GALNT12: variants seen among roughly 807,000 people sequenced by gnomAD.
GALNT12 encodes UDP-GalNAc:polypeptide N-acetylgalactosaminyltransferase 12.
GALNT12 carries 45 observed loss-of-function variants against 55.5 expected under a neutral mutation model. The ratio of observed to expected loss-of-function variants is 0.81; its 90% confidence interval spans 0.64 to 1.04. The LOEUF (loss-of-function observed/expected upper bound fraction) is 1.04, where lower values mean the gene tolerates loss of function less well. Among genes scored for constraint, GALNT12 ranks in the 50% least tolerant of loss-of-function variants. The pLI, the probability that GALNT12 is intolerant of heterozygous loss-of-function variation, is 0.00. For synonymous variants in GALNT12, 304 were observed against 312.2 expected, an observed-to-expected ratio of 0.97 and a Z score of 0.28; for missense variants, 709 against 754.8, an observed-to-expected ratio of 0.94 and a Z score of 0.71.
chr9:98,838,318 G>A (rs1234434368), intron 6 of GALNT12, among the ~76,000 whole-genome samples: 2 of 152,186 alleles, frequency 1.3e-5, no homozygotes, highest in East Asian at 1.9e-4. Flanking sequence ...CCTAACAGAT[G>A]TCTATCTTCC....
chr9:98,828,159 G>A (rs1211932532), intron 3 of GALNT12, among the ~76,000 whole-genome samples: 4 of 152,140 alleles, frequency 2.6e-5, no homozygotes, highest in Non-Finnish European at 5.9e-5. Context: ...CTGCTTCCCC[G>A]CAGATGCCAA....
rs1055615394 is a variant in GALNT12 at position 98,848,823 on chromosome 9, C to T, written c.1606-129C>T. 161 of 1,085,798 alleles carry T rather than the reference C, an allele frequency of 1.5e-4. No homozygotes were observed. The African/African-American group carries it at 2.1e-3, about 14-fold the overall frequency. The allele number at this position is 1,085,798 out of a possible 1,614,324, so 67.3% of individuals were successfully genotyped here. On this transcript the variant is annotated intron_variant, in intron 9 of 9. Transcript: ENST00000375011. ...GACAGTCCTGAGTTGCTGCGTTACA[C>T]GGAAGACACTTACCCCTCAATAAAT... is the stretch of plus-strand genomic sequence containing the variant.
chr9:98,808,330 T>A (rs910169894), intron 1 of GALNT12, among the ~76,000 whole-genome samples: 17 of 152,044 alleles, frequency 1.1e-4, no homozygotes, highest in Admixed American at 9.8e-4. Context: ...GAAGTTATCA[T>A]CTCCCTGAAA....
In GALNT12 at chr9:98,826,880, C is replaced by G; in HGVS notation, c.670C>G (p.Leu224Val). 6.3e-7 allele frequency: 1 copy of G among 1,592,002 alleles called. No homozygotes were observed. The highest frequency in any genetic ancestry group is 8.6e-7 in the Non-Finnish European group (1 of 1,169,400). Residue 224 changes from leucine to valine, a missense_variant, in exon 3 of 10, where the codon CTG becomes GTG. Physicochemically the swap from Leu to Val is conservative, Grantham distance 32 (BLOSUM62 1). Coordinates refer to ENST00000375011, the MANE Select transcript of GALNT12 (RefSeq NM_024642.5). ...LGASAARGDVLTFLDCHCECH... is the reference protein window; with the variant it reads ...LGASAARGDVVTFLDCHCECH... Reference sequence around the variant, plus strand: ...GGCGTCTGCGGCGAGGGGCGATGTTCTGACCTTCCTGGACTGTCACTGTGA... The same window carrying G: ...GGCGTCTGCGGCGAGGGGCGATGTTGTGACCTTCCTGGACTGTCACTGTGA...
At chr9:98,809,984 A>G (rs997348912) in intron 1 of GALNT12, among the ~76,000 whole-genome samples, 1 of 152,244 alleles carries the variant, frequency 6.6e-6, no homozygotes, top group African/African-American at 2.4e-5. Flanking sequence ...TAATTCCTGC[A>G]GCAAGGCCTG....
chr9:98,836,916 G>A (rs1203811368), intron 5 of GALNT12, 56 bp from the exon 6 acceptor site: 3 of 1,579,000 alleles, frequency 1.9e-6, no homozygotes, highest in Non-Finnish European at 2.6e-6. Context: ...CAGATACTAT[G>A]GACCCGCAGC....
At chr9:98,827,392 G>A (rs137984488) in intron 3 of GALNT12, among the ~76,000 whole-genome samples, 183 of 152,094 alleles carry the variant, frequency 1.2e-3, no homozygotes, top group Middle Eastern at 0.01. Context: ...GTAGAGATGG[G>A]GTTTCACTGC....
intron 4 of GALNT12, among the ~76,000 whole-genome samples, chr9:98,834,113 T>C (rs993071728): frequency 1.3e-5 from 2 of 151,870 alleles, no homozygotes; most frequent in Admixed American, 1.3e-4. Context: ...GCTCTCAATG[T>C]TCTCTTTCCC....
intron 1 of GALNT12, among the ~76,000 whole-genome samples, chr9:98,811,223 G>C (rs977414691): frequency 2.6e-5 from 4 of 152,182 alleles, no homozygotes; most frequent in African/African-American, 9.7e-5. Context: ...CAGAACTAGA[G>C]AAAGTAAGGA....
In GALNT12 at chr9:98,849,845, A is replaced by G. The variant is rs1836510594; in HGVS notation, c.*753A>G. ...TTAAAACATGTTTATATCATTTTTA[A>G]TTTTTATGATACGGTAGTGTCAGGG... On this transcript the variant is annotated 3_prime_UTR_variant, in exon 10 of 10. Transcript: ENST00000375011. The G allele has an allele frequency of 8.8e-6, 3 of 341,938 alleles. No individual in the cohort carries two copies. Among genetic ancestry groups the G allele is most frequent in the African/African-American group, 6.3e-5 (3 of 47,712 alleles). 21.2% of individuals were successfully genotyped at this position (341,938 alleles called of 1,614,324 possible).
chr9:98,835,102 A>G, intron 4 of GALNT12, 147 bp from the exon 5 acceptor site: 1 of 736,346 alleles, frequency 1.4e-6, no homozygotes, highest in Admixed American at 1.9e-5. Flanking sequence ...CTCCAGGCCC[A>G]GCCTAGTGTG....
chr9:98,813,561 G>A (rs866410694), intron 1 of GALNT12, among the ~76,000 whole-genome samples: 2 of 151,250 alleles, frequency 1.3e-5, no homozygotes, highest in Non-Finnish European at 2.9e-5. Flanking sequence ...GCAATGGTGC[G>A]ATCTCAGCTC....
rs1386229808 is a variant in GALNT12, at chr9:98,831,822, A to G, written c.782A>G (p.Asp261Gly). 2 of 1,614,206 alleles carry G rather than the reference A, an allele frequency of 1.2e-6. No individual in the cohort carries two copies. Among genetic ancestry groups the G allele is most frequent in the Middle Eastern group, 1.6e-4 (1 of 6,062 alleles). ...AVVCPVIDVI[D>G]WNTFEYLGNS... ...GTGTGCCCGGTGATTGATGTGATCG[A>G]CTGGAACACCTTCGAATACCTGGGG... is the stretch of plus-strand genomic sequence containing the variant. Residue 261 changes from aspartate to glycine, a missense_variant, in exon 4 of 10, where the codon GAC becomes GGC. Transcript: ENST00000375011.
intron 7 of GALNT12, among the ~76,000 whole-genome samples, 187 bp from the exon 8 acceptor site, chr9:98,843,909 A>T (rs540275510): frequency 6.6e-6 from 1 of 152,286 alleles, no homozygotes; most frequent in East Asian, 1.9e-4. Context: ...AGGGGTAAGG[A>T]TTCTTGCCTG....
At chr9:98,828,067 A>G (rs1835901235) in intron 3 of GALNT12, among the ~76,000 whole-genome samples, 1 of 152,096 alleles carries the variant, frequency 6.6e-6, no homozygotes, top group South Asian at 2.1e-4. Context: ...CAGGTGGGAG[A>G]GGAAGGAAGG....
In GALNT12 at chr9:98,844,005, C is replaced by T. The variant is rs192015470; in HGVS notation, c.1345-91C>T. 4.7e-6 allele frequency: 4 copies of T among 851,952 alleles called. No individual in the cohort carries two copies. In the Admixed American group the frequency reaches 5.5e-5, roughly 12 times the overall value. The allele number at this position is 851,952 out of a possible 1,614,324, so 52.8% of individuals were successfully genotyped here. A position where few individuals can be genotyped will look rare whatever the true frequency, so the allele number is the denominator to read the frequency against. On this transcript the variant is annotated intron_variant, in intron 7 of 9. Coordinates refer to ENST00000375011, the MANE Select transcript of GALNT12 (RefSeq NM_024642.5). ...CGTCTAGCTCTTGAAGCAGGCTCTC[C>T]TCTCATGCCAGGTACCCTCCCCAAG...
chr9:98,844,455 T>G (rs112667699), intron 8 of GALNT12: 12 of 493,610 alleles, frequency 2.4e-5, no homozygotes, highest in Middle Eastern at 5.8e-4. Context: ...TATTCCATTA[T>G]TTCCATTCCC....
intron 4 of GALNT12, among the ~76,000 whole-genome samples, 170 bp from the exon 5 acceptor site, chr9:98,835,079 G>A (rs1309892101): frequency 3.3e-5 from 5 of 152,148 alleles, no homozygotes; most frequent in African/African-American, 1.2e-4. Context: ...GGGACCGTAG[G>A]GTACATCTAT....
intron 7 of GALNT12, among the ~76,000 whole-genome samples, chr9:98,842,385 C>T (rs953085632): frequency 6.6e-6 from 1 of 152,000 alleles, no homozygotes; most frequent in African/African-American, 2.4e-5. Context: ...ACTAAGGTCT[C>T]GCTATGTTGC....
Sources: allele counts gnomAD v4.1 joint callset (sites outside exome capture counted in the v4.1 genomes callset), GRCh38; gene constraint gnomAD v4.1.1; transcripts MANE v1.5; gene names NCBI Gene and HGNC (gene_info 2026-07-23, HGNC 2026-07-21).